SFXN3: variants seen among roughly 807,000 people sequenced by gnomAD.
The protein encoded by SFXN3 is sideroflexin-3.
A neutral mutation model predicts 40.4 loss-of-function variants in SFXN3; 31 were observed. The observed-to-expected ratio is 0.77, with a 90% CI of 0.58 to 1.04. The LOEUF (loss-of-function observed/expected upper bound fraction) is 1.04, where lower values mean the gene tolerates loss of function less well. SFXN3 is among the 50% of genes least tolerant of loss of function. The pLI, the probability that SFXN3 is intolerant of heterozygous loss-of-function variation, is 0.00. For synonymous variants in SFXN3, 157 were observed against 160.0 expected (o/e 0.98, Z 0.14); for missense variants, 366 against 408.2 (o/e 0.90, Z 0.89).
rs1340738508 is a variant in SFXN3, at chr10:101,036,826, C to G, written c.593+18C>G. The G allele has an allele frequency of 1.2e-6, 2 of 1,611,782 alleles. No homozygotes were observed. Among genetic ancestry groups the G allele is most frequent in the Admixed American group, 3.3e-5 (2 of 59,914 alleles). Reference sequence around the variant, plus strand: ...AGGCAGAGGTGAGTGACCCCGGCTCCTGGCATGTGCATGCCCAGAATGTAG... The same window carrying G: ...AGGCAGAGGTGAGTGACCCCGGCTCGTGGCATGTGCATGCCCAGAATGTAG... On this transcript the variant is annotated intron_variant, in intron 7 of 11. Transcript: ENST00000393459. This position sits in a 1 kb window ranked among gnomAD's most constrained non-coding sequence, Gnocchi z 4.2.
chr10:101,031,537 G>A lies in SFXN3; in HGVS notation c.-173+3G>A, dbSNP rs1259091267. On this transcript the variant is annotated splice_donor_region_variant and intron_variant, in intron 1 of 11. Coordinates refer to ENST00000393459, the Ensembl canonical transcript of SFXN3. The stretch of plus-strand genomic sequence containing the variant: ...GGCGTGCTCTGTGTGGTGGCTGGGT[G>A]AGTTGTGAGTATGTGCGTGGCGGAG... 6.6e-6 allele frequency: 1 copy of A among 152,626 alleles called. No individual in the cohort carries two copies. Among genetic ancestry groups the A allele is most frequent in the East Asian group, 1.9e-4 (1 of 5,188 alleles). 9.5% of individuals were successfully genotyped at this position (152,626 alleles called of 1,614,324 possible).
chr10:101,034,582 A>T, intron 2 of SFXN3, 110 bp from the exon 3 acceptor site: 1 of 1,146,580 alleles, frequency 8.7e-7, no homozygotes. Flanking sequence ...TGAGCTCTTG[A>T]AGGGACTGAT....
chr10:101,038,756 G>T lies in SFXN3; in HGVS notation c.821+64G>T, dbSNP rs1251954272. On this transcript the variant is annotated intron_variant, in intron 10 of 11. Transcript: ENST00000393459. Reference sequence around the variant, plus strand: ...CCTTGTCCATGGTGGATGTGGGTGGGTATGGATTGTCTTTAAGATGTTTAT... The same window carrying T: ...CCTTGTCCATGGTGGATGTGGGTGGTTATGGATTGTCTTTAAGATGTTTAT... The T allele has an allele frequency of 8.8e-6, 14 of 1,599,838 alleles. No individual in the cohort carries two copies. The Admixed American group carries it at 2.2e-4, about 25-fold the overall frequency.
chr10:101,035,598 T>C, exon 4 of SFXN3: 1 of 1,614,160 alleles, frequency 6.2e-7, no homozygotes, highest in Non-Finnish European at 8.5e-7. Context: ...AAGGTGGTCC[T>C]GATTGGCCGC....
Position 101,039,296 on chromosome 10 carries a change from C to A in SFXN3, c.869+74C>A. 7.0e-7 allele frequency: 1 copy of A among 1,430,932 alleles called. No individual in the cohort carries two copies. Among genetic ancestry groups the A allele is most frequent in the Non-Finnish European group, 9.7e-7 (1 of 1,031,500 alleles). The allele number at this position is 1,430,932 out of a possible 1,614,324, so 88.6% of individuals were successfully genotyped here. A position where few individuals can be genotyped will look rare whatever the true frequency, so the allele number is the denominator to read the frequency against. Reference sequence around the variant, plus strand: ...ATCTCTGGACCAGCTGACCTAGGGTCTTCCAGGGTGTTCAGGAGGAGGCCT... The same window carrying A: ...ATCTCTGGACCAGCTGACCTAGGGTATTCCAGGGTGTTCAGGAGGAGGCCT... On this transcript the variant is annotated intron_variant, in intron 11 of 11. Transcript: ENST00000393459. The surrounding 1 kb of genome is among the most constrained non-coding windows in gnomAD (Gnocchi z 4.6).
chr10:101,037,653 C>T, intron 9 of SFXN3: 1 of 1,434,424 alleles, frequency 7.0e-7, no homozygotes, highest in East Asian at 2.5e-5. Context: ...AGGAAACCAA[C>T]TTCATCAGTG....
chr10:101,040,337 G>C (rs1238136412), exon 12 of SFXN3: 2 of 152,330 alleles, frequency 1.3e-5, no homozygotes, highest in African/African-American at 4.8e-5. Flanking sequence ...GGAGTTCCTG[G>C]TGTGCTCTGA....
At chr10:101,032,378 T>G in exon 2 of SFXN3, 1 of 1,388,276 alleles carries the variant, frequency 7.2e-7, no homozygotes, top group Non-Finnish European at 9.6e-7. Context: ...TCCCTGCTGG[T>G]CGGCGTCACG....
At chr10:101,038,126 C>A in intron 9 of SFXN3, 1 of 331,562 alleles carries the variant, frequency 3.0e-6, no homozygotes, top group East Asian at 1.3e-4. Context: ...GAGGAGAGAG[C>A]CAAATAACGC....
At chr10:101,038,301 A>G (rs1938717288) in intron 9 of SFXN3, 1 of 1,239,618 alleles carries the variant, frequency 8.1e-7, no homozygotes, top group East Asian at 3.9e-5. Context: ...TGCCACTGGG[A>G]TGGGAAGAGG....
Position 101,039,642 on chromosome 10 carries a change from C to A in SFXN3, c.*57C>A. On this transcript the variant is annotated 3_prime_UTR_variant, in exon 12 of 12. Coordinates refer to ENST00000393459, the Ensembl canonical transcript of SFXN3. This position sits in a 1 kb window ranked among gnomAD's most constrained non-coding sequence, Gnocchi z 4.6. ...CCTTGGGCTGCTGCTTTAGTGGAGT[C>A]ATGTCACCCCTACCACTTGGCTATC... is the stretch of plus-strand genomic sequence containing the variant. The A allele has an allele frequency of 2.0e-6, 3 of 1,514,562 alleles. No individual in the cohort carries two copies. In the South Asian group the frequency reaches 3.4e-5, roughly 17 times the overall value. 93.8% of individuals were successfully genotyped at this position (1,514,562 alleles called of 1,614,324 possible). A position where few individuals can be genotyped will look rare whatever the true frequency, so the allele number is the denominator to read the frequency against.
rs1590087870 is a variant in SFXN3 at position 101,036,211 on chromosome 10, C to A, written c.431+110C>A. The A allele has an allele frequency of 1.1e-6, 1 of 936,904 alleles. No individual in the cohort carries two copies. The highest frequency in any genetic ancestry group is 1.7e-6 in the Non-Finnish European group (1 of 597,370). The allele number at this position is 936,904 out of a possible 1,614,324, so 58.0% of individuals were successfully genotyped here. A position where few individuals can be genotyped will look rare whatever the true frequency, so the allele number is the denominator to read the frequency against. Reference sequence around the variant, plus strand: ...TTCCCTGTGGACCATGCAGCCAGTGCTCAGCGCCCTCTCCTCAGCCTGCCC... The same window carrying A: ...TTCCCTGTGGACCATGCAGCCAGTGATCAGCGCCCTCTCCTCAGCCTGCCC... On this transcript the variant is annotated intron_variant, in intron 5 of 11. Coordinates refer to ENST00000393459, the Ensembl canonical transcript of SFXN3. The surrounding 1 kb of genome is among the most constrained non-coding windows in gnomAD (Gnocchi z 4.2).
intron 3 of SFXN3, 115 bp from the exon 4 acceptor site, chr10:101,035,382 G>A (rs948248465): frequency 8.0e-7 from 1 of 1,246,926 alleles, no homozygotes; most frequent in Non-Finnish European, 1.1e-6. Context: ...TGCTGAGACT[G>A]GGGGCTGAAG....
chr10:101,036,830 C>T lies in SFXN3; in HGVS notation c.593+22C>T. On this transcript the variant is annotated intron_variant, in intron 7 of 11. Transcript: ENST00000393459. This position sits in a 1 kb window ranked among gnomAD's most constrained non-coding sequence, Gnocchi z 4.2. ...AGAGGTGAGTGACCCCGGCTCCTGGCATGTGCATGCCCAGAATGTAGCACA... is the reference window on the plus strand; with the variant it reads ...AGAGGTGAGTGACCCCGGCTCCTGGTATGTGCATGCCCAGAATGTAGCACA... 1 of 1,611,568 alleles carries T rather than the reference C, an allele frequency of 6.2e-7. No homozygotes were observed. Among genetic ancestry groups the T allele is most frequent in the Non-Finnish European group, 8.5e-7 (1 of 1,178,090 alleles).
chr10:101,032,488 T>C lies in SFXN3; in HGVS notation c.-4+6T>C. ...TTCAGAGAGCGATGGAAAGCGTAAGTGCTCGCTCTCCCCGGCGGGCGGGGT... is the reference window on the plus strand; with the variant it reads ...TTCAGAGAGCGATGGAAAGCGTAAGCGCTCGCTCTCCCCGGCGGGCGGGGT... On this transcript the variant is annotated splice_donor_region_variant and intron_variant, in intron 2 of 11. Transcript: ENST00000393459. 1 of 1,542,524 alleles carries C rather than the reference T, an allele frequency of 6.5e-7. No homozygotes were observed. The highest frequency in any genetic ancestry group is 8.7e-7 in the Non-Finnish European group (1 of 1,144,512).
chr10:101,033,528 C>G (rs1938430150), intron 2 of SFXN3, among the ~76,000 whole-genome samples: 1 of 152,092 alleles, frequency 6.6e-6, no homozygotes, highest in Admixed American at 6.6e-5. Flanking sequence ...GCTTACCTAC[C>G]TAGTTGAAGG....
chr10:101,035,340 T>C (rs2134198793), intron 3 of SFXN3, among the ~76,000 whole-genome samples, 157 bp from the exon 4 acceptor site: 1 of 152,362 alleles, frequency 6.6e-6, no homozygotes, highest in African/African-American at 2.4e-5. Flanking sequence ...TGGGAAACTT[T>C]GGCCCTCTCC....
chr10:101,035,757 G>T, intron 4 of SFXN3, 90 bp downstream of exon 4: 1 of 1,492,502 alleles, frequency 6.7e-7, no homozygotes, highest in South Asian at 1.3e-5. Flanking sequence ...AACTGGGTGA[G>T]TGAAAGATTG....
chr10:101,039,243 G>C lies in SFXN3; in HGVS notation c.869+21G>C, dbSNP rs768361338. 14 of 1,598,734 alleles carry C rather than the reference G, an allele frequency of 8.8e-6. No individual in the cohort carries two copies. Among genetic ancestry groups the C allele is most frequent in the East Asian group, 2.2e-5 (1 of 44,838 alleles). ...AAGAGGTAAGTGCTGTCCCTGGGCT[G>C]GGTGGGGGACTCTGGATTGGACTCT... On this transcript the variant is annotated intron_variant, in intron 11 of 11. Coordinates refer to ENST00000393459, the Ensembl canonical transcript of SFXN3. This position sits in a 1 kb window ranked among gnomAD's most constrained non-coding sequence, Gnocchi z 4.6.
Sources: allele counts gnomAD v4.1 joint callset (sites outside exome capture counted in the v4.1 genomes callset), GRCh38; gene constraint gnomAD v4.1.1; non-coding constraint Gnocchi (gnomAD v3.1); transcripts MANE v1.5; gene names NCBI Gene and HGNC (gene_info 2026-07-23, HGNC 2026-07-21).